The following BANK1 variants were observed in gnomAD, a reference collection of about 807,000 sequenced individuals.
BANK1 encodes the protein B-cell scaffold protein with ankyrin repeats.
BANK1 carries 95 observed loss-of-function variants against 94.5 expected under a neutral mutation model. The ratio of observed to expected loss-of-function variants is 1.00; its 90% CI spans 0.85 to 1.19. The LOEUF (loss-of-function observed/expected upper bound fraction) is 1.19, where lower values mean the gene tolerates loss of function less well. Among genes scored for constraint, BANK1 ranks in the 50% most tolerant of loss-of-function variants. The pLI is 0.00. For synonymous variants in BANK1, 334 were observed against 308.4 expected, an observed-to-expected ratio of 1.08 and a Z score of -0.87; for missense variants, 987 against 932.2, an observed-to-expected ratio of 1.06 and a Z score of -0.77.
At chr4:101,846,686 A>G (rs1486225457) in intron 2 of BANK1, among the ~76,000 whole-genome samples, 5 of 152,298 alleles carry the variant, frequency 3.3e-5, no homozygotes, top group East Asian at 3.9e-4. Context: ...ACAGTTTTAA[A>G]CAAGCAGATC....
chr4:102,038,159 A>C (rs1265757657), intron 10 of BANK1, among the ~76,000 whole-genome samples: 1 of 152,146 alleles, frequency 6.6e-6, no homozygotes, highest in African/African-American at 2.4e-5. Flanking sequence ...GCTGATCTTT[A>C]AATTTAAGGG....
intron 5 of BANK1, among the ~76,000 whole-genome samples, chr4:101,877,000 C>T (rs555774915): frequency 6.8e-6 from 1 of 147,354 alleles, no homozygotes; most frequent in East Asian, 2.0e-4. Context: ...GATATGCAGT[C>T]AGAGGAGAAA....
At chr4:101,883,136 G>A (rs1728736932) in intron 5 of BANK1, among the ~76,000 whole-genome samples, 1 of 152,116 alleles carries the variant, frequency 6.6e-6, no homozygotes, top group African/African-American at 2.4e-5. Flanking sequence ...CTTTTGTGCT[G>A]CATTTCCACC....
In BANK1 at chr4:102,062,852, C is replaced by A. The variant is rs1728463013; in HGVS notation, c.2149-223C>A. 3 of 484,850 alleles carry A rather than the reference C, an allele frequency of 6.2e-6. No homozygotes were observed. The South Asian group carries it at 7.8e-5, about 13-fold the overall frequency. 30.0% of individuals were successfully genotyped at this position (484,850 alleles called of 1,614,324 possible). A position where few individuals can be genotyped will look rare whatever the true frequency, so the allele number is the denominator to read the frequency against. On this transcript the variant is annotated intron_variant, in intron 12 of 16. Coordinates refer to ENST00000322953, the MANE Select transcript of BANK1 (RefSeq NM_017935.5). ...ACTGTACCTCTCTGTACCTCAGTTT[C>A]CATATCTACAACATGGAATGACGAC... is the stretch of plus-strand genomic sequence containing the variant.
At chr4:101,822,941 A>G (rs960107182) in intron 1 of BANK1, among the ~76,000 whole-genome samples, 2 of 152,090 alleles carry the variant, frequency 1.3e-5, no homozygotes, top group Non-Finnish European at 2.9e-5. Context: ...CCAGCCTATC[A>G]TTGATGGTAT....
rs139448100 is a variant in BANK1 at position 102,072,861 on chromosome 4, A to C, written c.2298+461A>C. Among the ~76,000 whole-genome samples, 1,159 of 152,290 alleles carry C rather than the reference A, an allele frequency of 7.6e-3. 18 individuals carry two copies. Among genetic ancestry groups the C allele is most frequent in the African/African-American group, 0.026 (1,084 of 41,578 alleles). On this transcript the variant is annotated intron_variant, in intron 15 of 16. Coordinates refer to ENST00000322953, the MANE Select transcript of BANK1 (RefSeq NM_017935.5). ...AATTGCTAACGAGAAGCTAATGATA[A>C]CACTAAGCAAAGACAACAGCAATGG...
At chr4:101,989,940 G>A (rs1725646357) in intron 7 of BANK1, among the ~76,000 whole-genome samples, 2 of 152,038 alleles carry the variant, frequency 1.3e-5, no homozygotes, top group South Asian at 4.1e-4. Flanking sequence ...CTTTTAAATG[G>A]TTTCACATGC....
chr4:102,052,503 G>GACTC (rs1454242687), intron 11 of BANK1, among the ~76,000 whole-genome samples: 4 of 151,834 alleles, frequency 2.6e-5, no homozygotes, highest in Non-Finnish European at 5.9e-5. Context: ...TTTTTGTAAA[G>GACTC]ACTCAGAATA....
At chr4:101,906,832 G>A (rs1406730097) in intron 6 of BANK1, among the ~76,000 whole-genome samples, 8 of 151,980 alleles carry the variant, frequency 5.3e-5, no homozygotes, top group South Asian at 2.1e-4. Context: ...ACTTGGATTC[G>A]AGCCCCCACA....
intron 7 of BANK1, among the ~76,000 whole-genome samples, chr4:102,000,322 CAAAAAAA>C (rs3974642): frequency 7.6e-5 from 5 of 66,102 alleles, no homozygotes; most frequent in East Asian, 4.4e-4. Flanking sequence ...AACTCTGTCT[CAAAAAAA>C]AAAAAAAAAA....
chr4:101,883,810 A>G (rs1175274131), intron 5 of BANK1, among the ~76,000 whole-genome samples: 4 of 152,236 alleles, frequency 2.6e-5, no homozygotes, highest in African/African-American at 9.6e-5. Context: ...CTTTACAACT[A>G]CTATTCCATA....
intron 13 of BANK1, among the ~76,000 whole-genome samples, chr4:102,065,716 G>T (rs1728568191): frequency 6.6e-6 from 1 of 151,694 alleles, no homozygotes; most frequent in Non-Finnish European, 1.5e-5. Flanking sequence ...AAAAAAAAAT[G>T]AAACTATATA....
chr4:101,862,594 A>T lies in BANK1; in HGVS notation c.693A>T (p.Thr231=). The part of the protein sequence containing the change: ...VIGDTVEVEF[T]SSNKRIRTRP... ...GTGATACTGTAGAGGTTGAATTTAC[A>T]TCAAGTAATAAGCGCATTAGAACAC... The change falls in exon 4 of 17, where the codon ACA becomes ACT. Residue 231 remains threonine, a synonymous_variant. Transcript: ENST00000322953. The T allele has an allele frequency of 1.2e-6, 2 of 1,611,820 alleles. No homozygotes were observed. The highest frequency in any genetic ancestry group is 2.2e-5 in the South Asian group (2 of 90,700).
chr4:101,931,802 T>C (rs1423881225), intron 7 of BANK1, among the ~76,000 whole-genome samples: 2 of 151,180 alleles, frequency 1.3e-5, no homozygotes, highest in African/African-American at 4.9e-5. Context: ...TGAAACTGAG[T>C]GTGGAATATT....
At chr4:101,856,656 G>A (rs988857783) in intron 3 of BANK1, among the ~76,000 whole-genome samples, 2 of 150,630 alleles carry the variant, frequency 1.3e-5, no homozygotes, top group African/African-American at 4.9e-5. Flanking sequence ...AAAGAAATCA[G>A]TCCCAAAATC....
At chr4:101,912,325 T>C (rs1722689445) in intron 6 of BANK1, among the ~76,000 whole-genome samples, 1 of 152,068 alleles carries the variant, frequency 6.6e-6, no homozygotes, top group Non-Finnish European at 1.5e-5. Flanking sequence ...TTTTTAAAAA[T>C]CTTAAGGTTT....
chr4:101,845,853 GGTTTTT>G (rs1222396044), intron 2 of BANK1, among the ~76,000 whole-genome samples: 6 of 152,110 alleles, frequency 3.9e-5, no homozygotes, highest in African/African-American at 1.2e-4. Context: ...TGGGCCATAG[GGTTTTT>G]GTTTTTGTTT....
chr4:101,820,575 A>ATG (rs1726103849), intron 1 of BANK1, among the ~76,000 whole-genome samples: 1 of 152,144 alleles, frequency 6.6e-6, no homozygotes, highest in Non-Finnish European at 1.5e-5. Flanking sequence ...ATCACCCAGG[A>ATG]ATTAAGGCCA....
chr4:101,904,092 A>T (rs1181872709), intron 6 of BANK1, among the ~76,000 whole-genome samples: 1 of 152,266 alleles, frequency 6.6e-6, no homozygotes, highest in African/African-American at 2.4e-5. Flanking sequence ...TTCCAGTGAT[A>T]ACGTTTAGCA....
Sources: allele counts gnomAD v4.1 joint callset (sites outside exome capture counted in the v4.1 genomes callset), GRCh38; gene constraint gnomAD v4.1.1; transcripts MANE v1.5; gene names NCBI Gene and HGNC (gene_info 2026-07-23, HGNC 2026-07-21).